The following VPS8 variants were observed in gnomAD, a reference collection of about 807,000 sequenced individuals.
The protein encoded by VPS8 is VPS8 subunit of CORVET complex, also known as vacuolar protein sorting-associated protein 8 homolog.
In VPS8, 129 loss-of-function variants were observed where a neutral mutation model predicts 216.4. That is an observed-to-expected ratio of 0.60 (90% confidence interval 0.52 to 0.69). VPS8 has a LOEUF of 0.69. Among genes scored for constraint, VPS8 ranks in the 30% least tolerant of loss-of-function variants. VPS8 has a pLI of 0.00. For synonymous variants in VPS8, 571 were observed against 565.4 expected (o/e 1.01, Z -0.14); for missense variants, 1,531 against 1,683.5 (o/e 0.91, Z 1.59).
intron 29 of VPS8, 101 bp from the exon 30 acceptor site, chr3:184,924,761 G>T (rs747350540): frequency 7.2e-7 from 1 of 1,389,744 alleles, no homozygotes; most frequent in Non-Finnish European, 9.5e-7. Context: ...ATCTTTTTAC[G>T]CGTCTTCAGT....
intron 36 of VPS8, chr3:184,944,514 G>C (rs369585966): frequency 8.1e-6 from 8 of 985,244 alleles, no homozygotes; most frequent in Non-Finnish European, 9.6e-6. Flanking sequence ...TATGCAGTGG[G>C]GATGCTTAAA....
intron 1 of VPS8, among the ~76,000 whole-genome samples, chr3:184,820,658 G>A (rs997253871): frequency 6.6e-6 from 1 of 152,118 alleles, no homozygotes; most frequent in African/African-American, 2.4e-5. Flanking sequence ...TTTGAGCATG[G>A]TGACCTTTTG....
rs372529527 is a variant in VPS8 at position 184,898,522 on chromosome 3, G to A, written c.2005-43G>A. 8 of 1,416,888 alleles carry A rather than the reference G, an allele frequency of 5.6e-6. No individual in the cohort carries two copies. In the African/African-American group the frequency reaches 5.7e-5, roughly 10 times the overall value. The allele number at this position is 1,416,888 out of a possible 1,614,324, so 87.8% of individuals were successfully genotyped here. A position where few individuals can be genotyped will look rare whatever the true frequency, so the allele number is the denominator to read the frequency against. On this transcript the variant is annotated intron_variant, in intron 23 of 47. Coordinates refer to ENST00000625842, the MANE Select transcript of VPS8 (RefSeq NM_001009921.3). ...TCTTAAAGCATTAAGGAAAATAATTGGTGACTGAATTGTATGGACCAAGTG... is the reference window on the plus strand; with the variant it reads ...TCTTAAAGCATTAAGGAAAATAATTAGTGACTGAATTGTATGGACCAAGTG...
At chr3:184,975,804 T>G (rs986240503) in intron 40 of VPS8, among the ~76,000 whole-genome samples, 3 of 152,194 alleles carry the variant, frequency 2.0e-5, no homozygotes, top group African/African-American at 7.2e-5. Context: ...TTGATTGAGA[T>G]GATCATGTGG....
chr3:184,860,468 TACACACACAC>T (rs59791657), intron 15 of VPS8, among the ~76,000 whole-genome samples: 74 of 147,304 alleles, frequency 5.0e-4, no homozygotes, highest in African/African-American at 1.7e-3. Flanking sequence ...TACACACACA[TACACACACAC>T]ACACACACAC....
intron 37 of VPS8, among the ~76,000 whole-genome samples, chr3:184,961,812 G>T (rs1746576490): frequency 6.6e-6 from 1 of 150,506 alleles, no homozygotes; most frequent in African/African-American, 2.4e-5. Context: ...TGTCACCCAG[G>T]CTGGAGTGCA....
At chr3:184,863,505 A>G (rs1485086449) in intron 16 of VPS8, among the ~76,000 whole-genome samples, 1 of 152,186 alleles carries the variant, frequency 6.6e-6, no homozygotes, top group East Asian at 1.9e-4. Context: ...TTGAACAGGT[A>G]TGGTAGCTGT....
chr3:184,958,517 A>G (rs1200888524), intron 37 of VPS8, among the ~76,000 whole-genome samples: 2 of 152,212 alleles, frequency 1.3e-5, no homozygotes, highest in Middle Eastern at 3.2e-3. Flanking sequence ...GGAAATGGCA[A>G]TCGGACAGAT....
chr3:184,885,830 C>T (rs1731116931), intron 21 of VPS8: 2 of 294,582 alleles, frequency 6.8e-6, no homozygotes, highest in Admixed American at 4.8e-5. Flanking sequence ...TCCCCTCCTT[C>T]TTCTGCTCCC....
intron 46 of VPS8, among the ~76,000 whole-genome samples, chr3:185,045,518 C>T (rs191524354): frequency 1.3e-5 from 2 of 152,184 alleles, no homozygotes; most frequent in African/African-American, 4.8e-5. Context: ...TGCCTGTAAT[C>T]CCAGCACTTT....
In VPS8 at chr3:184,964,452, CT is replaced by C; in HGVS notation, c.3184-10del. The C allele has an allele frequency of 7.1e-7, 1 of 1,411,334 alleles. No individual in the cohort carries two copies. Among genetic ancestry groups the C allele is most frequent in the South Asian group, 1.5e-5 (1 of 66,172 alleles). 87.4% of individuals were successfully genotyped at this position (1,411,334 alleles called of 1,614,324 possible). On this transcript the variant is annotated splice_polypyrimidine_tract_variant and intron_variant, in intron 37 of 47. Coordinates refer to ENST00000625842, the MANE Select transcript of VPS8 (RefSeq NM_001009921.3). ...AAGATTGGTGAATAAAAATATTTAT[CT>C]TTTTTATTTCCTAGATTACTCAGAA...
chr3:184,854,842 C>CT (rs142839484), intron 13 of VPS8, among the ~76,000 whole-genome samples: 2 of 151,982 alleles, frequency 1.3e-5, no homozygotes, highest in African/African-American at 4.8e-5. Flanking sequence ...CCAGTTTTCC[C>CT]TTTTTTTTCT....
Position 184,916,100 on chromosome 3 carries a change from G to A in VPS8, c.2382+626G>A, listed in dbSNP as rs572944040. On this transcript the variant is annotated intron_variant, in intron 28 of 47. Transcript: ENST00000625842. ...CTTAGGGCCTGGCATACAAAACATG[G>A]AAGGGAGATGCTGAAGGAGATGCGG... 1.3e-4 allele frequency among the ~76,000 whole-genome samples: 20 copies of A among 152,248 alleles called. No homozygotes were observed. In the East Asian group the frequency reaches 3.9e-3, roughly 29 times the overall value.
chr3:184,824,643 A>G lies in VPS8; in HGVS notation c.11A>G (p.Glu4Gly). 1 of 1,613,770 alleles carries G rather than the reference A, an allele frequency of 6.2e-7. No individual in the cohort carries two copies. The highest frequency in any genetic ancestry group is 1.6e-4 in the Middle Eastern group (1 of 6,062). Reference sequence around the variant, plus strand: ...TTATTAGAAGTAAATATGGAAAATGAACCAGACCATGAAAATGTGGAACAG... The same window carrying G: ...TTATTAGAAGTAAATATGGAAAATGGACCAGACCATGAAAATGTGGAACAG... MEN[E>G]PDHENVEQSL... Residue 4 changes from glutamate to glycine, a missense_variant, in exon 2 of 48, where the codon GAA becomes GGA. By Grantham distance (98) the Glu-to-Gly change is moderately conservative. This residue lies in a region of VPS8 where 199 missense variants were observed against 182.2 expected (regional missense o/e 1.09). Coordinates refer to ENST00000625842, the MANE Select transcript of VPS8 (RefSeq NM_001009921.3).
chr3:185,028,300 A>G (rs1196767039), intron 46 of VPS8, among the ~76,000 whole-genome samples: 1 of 152,232 alleles, frequency 6.6e-6, no homozygotes, highest in African/African-American at 2.4e-5. Flanking sequence ...GGGTCAGGAA[A>G]GGCTTCCCAG....
intron 42 of VPS8, among the ~76,000 whole-genome samples, chr3:184,984,742 G>T (rs1009944787): frequency 6.6e-6 from 1 of 152,048 alleles, no homozygotes; most frequent in Non-Finnish European, 1.5e-5. Context: ...CTCCATAAGG[G>T]CAGGAATACT....
chr3:184,915,845 G>GA (rs1349740479), intron 28 of VPS8, among the ~76,000 whole-genome samples: 1 of 152,134 alleles, frequency 6.6e-6, no homozygotes, highest in African/African-American at 2.4e-5. Context: ...TTTTTTAATA[G>GA]AAAAATCCCA....
Position 184,888,361 on chromosome 3 carries a change from G to A in VPS8, c.1781+2205G>A, listed in dbSNP as rs147836470. ...GGAGAAATTTCTTTCCGGTGTTAGG[G>A]CCACAAATACCTTTGTGTCTCTTGA... On this transcript the variant is annotated intron_variant, in intron 22 of 47. Transcript: ENST00000625842. 4.4e-3 allele frequency among the ~76,000 whole-genome samples: 666 copies of A among 152,266 alleles called. 7 individuals are homozygous for A. Among genetic ancestry groups the A allele is most frequent in the African/African-American group, 0.015 (625 of 41,548 alleles).
chr3:184,893,824 G>C (rs1344721000), intron 22 of VPS8, among the ~76,000 whole-genome samples: 1 of 152,170 alleles, frequency 6.6e-6, no homozygotes. Context: ...ATATCCAACA[G>C]TACAGGAATA....
Sources: gnomAD v4.1 joint callset for allele counts (sites outside exome capture counted in the v4.1 genomes callset) on GRCh38, gnomAD v4.1.1 for gene constraint, gnomAD v4.1.1 regional missense constraint, MANE v1.5 for transcripts, NCBI Gene and HGNC (gene_info 2026-07-23, HGNC 2026-07-21) for gene names.